Variants in GPC6 observed in about 807,000 individuals in gnomAD.
GPC6 encodes glypican 6, also known as glypican-6.
Under a neutral mutation model 55.2 loss-of-function variants are expected in GPC6, and 14 were observed. The observed-to-expected ratio is 0.25, with a 90% CI of 0.17 to 0.40. The LOEUF (loss-of-function observed/expected upper bound fraction) is 0.40, where lower values mean the gene tolerates loss of function less well. GPC6 is among the 10% of genes least tolerant of loss of function. GPC6 has a pLI of 1.00. For synonymous variants in GPC6, 278 were observed against 259.6 expected, an observed-to-expected ratio of 1.07 and a Z score of -0.68; for missense variants, 641 against 708.5, an observed-to-expected ratio of 0.90 and a Z score of 1.08.
intron 1 of GPC6, among the ~76,000 whole-genome samples, chr13:93,272,412 T>C (rs193224104): frequency 2.0e-5 from 3 of 151,170 alleles, no homozygotes; most frequent in Admixed American, 2.0e-4. Context: ...AGAAATAATT[T>C]ATAGACCAAT....
chr13:94,252,906 GA>G (rs1332450007), intron 4 of GPC6, among the ~76,000 whole-genome samples: 2 of 150,548 alleles, frequency 1.3e-5, no homozygotes, highest in Non-Finnish European at 2.9e-5. Flanking sequence ...AAGATAATTA[GA>G]GTTTTCTGGG....
rs529185963 is a variant in GPC6, at chr13:94,209,191, C to T, written c.878-77158C>T. ...CTCTGCAGACAGTGATTTTCTTAAT[C>T]TCATTTTTTCTCAAGAAGGAAGAAA... On this transcript the variant is annotated intron_variant, in intron 4 of 8. Coordinates refer to ENST00000377047, the MANE Select transcript of GPC6 (RefSeq NM_005708.5). Among the ~76,000 whole-genome samples the T allele has an allele frequency of 3.9e-5, 6 of 152,204 alleles. No individual in the cohort carries two copies. In the East Asian group the frequency reaches 9.6e-4, roughly 24 times the overall value.
intron 1 of GPC6, among the ~76,000 whole-genome samples, chr13:93,273,667 A>G (rs1447485576): frequency 4.6e-5 from 7 of 152,176 alleles, no homozygotes; most frequent in South Asian, 2.1e-4. Context: ...CAAAAAACAA[A>G]CAAACAAACA....
intron 1 of GPC6, among the ~76,000 whole-genome samples, chr13:93,477,918 G>A (rs7990422): frequency 0.21 from 32,606 of 151,974 alleles, 3,713 homozygotes; most frequent in East Asian, 0.37. Flanking sequence ...ACATAGTACC[G>A]TATATGAGCT....
In GPC6 at chr13:93,654,147, T is replaced by G. The variant is rs528048109; in HGVS notation, c.319+108726T>G. ...CCTCCTTCTAATGCTGAATGATCTT[T>G]TAACTTGGCACTGATGCACCATCAT... is the stretch of plus-strand genomic sequence containing the variant. On this transcript the variant is annotated intron_variant, in intron 2 of 8. Coordinates refer to ENST00000377047, the MANE Select transcript of GPC6 (RefSeq NM_005708.5). Among the ~76,000 whole-genome samples the G allele has an allele frequency of 2.0e-4, 31 of 152,296 alleles. No individual in the cohort carries two copies. In the South Asian group the frequency reaches 6.4e-3, roughly 32 times the overall value.
chr13:93,891,014 A>C (rs1875650827), intron 3 of GPC6, among the ~76,000 whole-genome samples: 5 of 152,156 alleles, frequency 3.3e-5, no homozygotes, highest in Admixed American at 2.6e-4. Context: ...GAGGAGAAAC[A>C]ACTAAAATAT....
chr13:93,854,604 TTGAGA>T (rs1888532037), intron 3 of GPC6, among the ~76,000 whole-genome samples: 1 of 151,770 alleles, frequency 6.6e-6, no homozygotes, highest in Admixed American at 6.6e-5. Context: ...TTTTATATAG[TTGAGA>T]TATTTTCTGA....
chr13:93,314,389 A>C lies in GPC6; in HGVS notation c.160+86773A>C, dbSNP rs1478344819. Reference sequence around the variant, plus strand: ...CAGTGAAAGACGTTCAGAGCAATTCATGAGTATGAAGGACAAAACACGGTT... The same window carrying C: ...CAGTGAAAGACGTTCAGAGCAATTCCTGAGTATGAAGGACAAAACACGGTT... On this transcript the variant is annotated intron_variant, in intron 1 of 8. Coordinates refer to ENST00000377047, the MANE Select transcript of GPC6 (RefSeq NM_005708.5). Among the ~76,000 whole-genome samples the C allele has an allele frequency of 4.6e-5, 7 of 152,298 alleles. No homozygotes were observed. The East Asian group carries it at 1.2e-3, about 25-fold the overall frequency.
intron 1 of GPC6, among the ~76,000 whole-genome samples, chr13:93,295,069 C>G (rs1238904931): frequency 7.4e-6 from 1 of 134,456 alleles, no homozygotes; most frequent in South Asian, 2.3e-4. Flanking sequence ...CTCAGGAGTT[C>G]GAGACCAGCC....
intron 4 of GPC6, among the ~76,000 whole-genome samples, chr13:94,180,866 G>A (rs1183946095): frequency 6.8e-6 from 1 of 147,028 alleles, no homozygotes; most frequent in Admixed American, 6.8e-5. Context: ...GTGTGTATAA[G>A]AGAGACACAC....
intron 1 of GPC6, among the ~76,000 whole-genome samples, chr13:93,290,818 A>G (rs1878295039): frequency 6.6e-6 from 1 of 152,204 alleles, no homozygotes; most frequent in Non-Finnish European, 1.5e-5. Context: ...TAACTTGGCC[A>G]TGAAGAATCC....
intron 3 of GPC6, among the ~76,000 whole-genome samples, chr13:93,990,208 T>C (rs1881234176): frequency 6.6e-6 from 1 of 152,030 alleles, no homozygotes; most frequent in Admixed American, 6.6e-5. Flanking sequence ...GATTATGTTA[T>C]TCAGATCAAA....
At chr13:93,601,793 A>C (rs1215887065) in intron 2 of GPC6, among the ~76,000 whole-genome samples, 1 of 152,226 alleles carries the variant, frequency 6.6e-6, no homozygotes, top group South Asian at 2.1e-4. Context: ...TTTGAGAGAG[A>C]AGTCTCCTCT....
intron 2 of GPC6, among the ~76,000 whole-genome samples, chr13:93,556,430 A>ATT (rs1268241679): frequency 6.9e-6 from 1 of 145,290 alleles, no homozygotes; most frequent in African/African-American, 2.5e-5. Flanking sequence ...ATATATATAT[A>ATT]TATTTTGGGG....
chr13:93,695,859 AT>A, intron 2 of GPC6, among the ~76,000 whole-genome samples: 1 of 152,216 alleles, frequency 6.6e-6, no homozygotes, highest in African/African-American at 2.4e-5. Flanking sequence ...TTTTGAACCT[AT>A]TTTCCACCCA....
At chr13:94,375,160 G>A (rs1262775788) in intron 6 of GPC6, among the ~76,000 whole-genome samples, 1 of 150,836 alleles carries the variant, frequency 6.6e-6, no homozygotes, top group Non-Finnish European at 1.5e-5. Flanking sequence ...AACTAGAAAA[G>A]CAAGAGCAAA....
At chr13:94,330,438 G>T (rs1021261062) in intron 6 of GPC6, among the ~76,000 whole-genome samples, 7 of 152,140 alleles carry the variant, frequency 4.6e-5, no homozygotes, top group Non-Finnish European at 8.8e-5. Context: ...GATCTGTTTG[G>T]CTTGGGACTG....
At chr13:93,921,566 C>G (rs1877571683) in intron 3 of GPC6, among the ~76,000 whole-genome samples, 1 of 151,926 alleles carries the variant, frequency 6.6e-6, no homozygotes, top group Non-Finnish European at 1.5e-5. Context: ...TGTGGCCGAT[C>G]TCTCTGAACT....
chr13:93,635,496 A>C (rs115543824), intron 2 of GPC6, among the ~76,000 whole-genome samples: 2,567 of 152,298 alleles, frequency 0.017, 63 homozygotes, highest in African/African-American at 0.057. Flanking sequence ...AAAACCTACA[A>C]ACATTATAAT....
Sources: allele counts gnomAD v4.1 joint callset (sites outside exome capture counted in the v4.1 genomes callset), GRCh38; gene constraint gnomAD v4.1.1; transcripts MANE v1.5; gene names NCBI Gene and HGNC (gene_info 2026-07-23, HGNC 2026-07-21).